The following LIMS1 variants were observed in gnomAD, a reference collection of about 807,000 sequenced individuals.
The protein encoded by LIMS1 is LIM and senescent cell antigen-like-containing domain protein 1.
LIMS1 carries 18 observed loss-of-function variants against 44.1 expected under a neutral mutation model. That is an observed-to-expected ratio of 0.41 (90% CI 0.28 to 0.61). The LOEUF is 0.61. LIMS1 is among the 20% of genes least tolerant of loss of function. The pLI is 0.32. For missense variants in LIMS1, 201 were observed against 422.0 expected (o/e 0.48, Z 4.59); for synonymous variants, 93 against 149.1 (o/e 0.62, Z 2.74).
At chr2:108,539,599 G>T (rs1684252191) in intron 1 of LIMS1, among the ~76,000 whole-genome samples, 1 of 152,174 alleles carries the variant, frequency 6.6e-6, no homozygotes, top group Non-Finnish European at 1.5e-5. Context: ...TTTCTGAAAG[G>T]ATACCGATGA....
intron 1 of LIMS1, among the ~76,000 whole-genome samples, chr2:108,546,918 AG>A (rs766889221): frequency 6.6e-6 from 1 of 152,200 alleles, no homozygotes; most frequent in Non-Finnish European, 1.5e-5. Flanking sequence ...TTTGCTTTTC[AG>A]TAATGGTCTC....
chr2:108,631,495 T>C (rs913250264), intron 1 of LIMS1, among the ~76,000 whole-genome samples: 1 of 152,074 alleles, frequency 6.6e-6, no homozygotes, highest in African/African-American at 2.4e-5. Context: ...TATCAAATGA[T>C]TGTATGCTGT....
At chr2:108,592,209 A>G (rs1021971180) in intron 1 of LIMS1, among the ~76,000 whole-genome samples, 11 of 152,164 alleles carry the variant, frequency 7.2e-5, no homozygotes, top group African/African-American at 2.7e-4. Flanking sequence ...ATACAGGAGC[A>G]GTGTTTTAGC....
chr2:108,591,337 G>A (rs1177878609), intron 1 of LIMS1, among the ~76,000 whole-genome samples: 2 of 152,124 alleles, frequency 1.3e-5, no homozygotes, highest in African/African-American at 2.4e-5. Context: ...TGATGCGGTG[G>A]GGCCTGAACC....
At chr2:108,675,785 A>G (rs888732438) in intron 5 of LIMS1, 93 bp from the exon 6 acceptor site, 3 of 1,477,060 alleles carry the variant, frequency 2.0e-6, no homozygotes, top group African/African-American at 1.4e-5. Flanking sequence ...TGTCATAGTA[A>G]TGTCTTTAAA....
At chr2:108,614,979 T>G (rs11691983) in intron 1 of LIMS1, among the ~76,000 whole-genome samples, 15,115 of 152,270 alleles carry the variant, frequency 0.099, 977 homozygotes, top group Middle Eastern at 0.17. Flanking sequence ...ACTGTTACAT[T>G]TCTCCTCTCA....
In LIMS1 at chr2:108,587,290, TTGTGTGTGTGTGTGTG is replaced by T. The variant is rs58815332; in HGVS notation, c.32+52732_32+52747del. Among the ~76,000 whole-genome samples the T allele has an allele frequency of 5.8e-4, 61 of 106,080 alleles. 1 individual carries two copies. Among genetic ancestry groups the T allele is most frequent in the Middle Eastern group, 4.7e-3 (1 of 214 alleles). 69.6% of individuals were successfully genotyped at this position (106,080 alleles called of 152,430 possible). A position where few individuals can be genotyped will look rare whatever the true frequency, so the allele number is the denominator to read the frequency against. On this transcript the variant is annotated intron_variant, in intron 1 of 9. Coordinates refer to ENST00000544547, the Ensembl canonical transcript of LIMS1. Reference sequence around the variant, plus strand: ...AAGTGATGAGTTGTTTTCTTGGGGTTTGTGTGTGTGTGTGTGTGTGTGTGTGTGTGTGTGTGTGTGT... The same window carrying T: ...AAGTGATGAGTTGTTTTCTTGGGGTTTGTGTGTGTGTGTGTGTGTGTGTGT...
intron 1 of LIMS1, among the ~76,000 whole-genome samples, chr2:108,552,980 C>T (rs1347012704): frequency 2.6e-5 from 4 of 152,112 alleles, no homozygotes; most frequent in Admixed American, 6.6e-5. Context: ...TCCTTTGTCA[C>T]GGCCATATCC....
intron 1 of LIMS1, among the ~76,000 whole-genome samples, chr2:108,632,829 A>G (rs1689007901): frequency 6.6e-6 from 1 of 152,158 alleles, no homozygotes. Flanking sequence ...AGGAAGGTAA[A>G]TTGACCTTGA....
At chr2:108,595,105 A>G (rs1379820341) in intron 1 of LIMS1, among the ~76,000 whole-genome samples, 1 of 152,170 alleles carries the variant, frequency 6.6e-6, no homozygotes, top group Non-Finnish European at 1.5e-5. Context: ...CTATTTATGG[A>G]GAGCAGTAAG....
At chr2:108,644,859 G>A (rs1218076325) in intron 1 of LIMS1, among the ~76,000 whole-genome samples, 1 of 151,756 alleles carries the variant, frequency 6.6e-6, no homozygotes, top group East Asian at 1.9e-4. Flanking sequence ...GCACACACAA[G>A]TATCAACAGC....
intron 1 of LIMS1, among the ~76,000 whole-genome samples, chr2:108,616,527 A>C (rs1243791111): frequency 3.9e-5 from 6 of 152,160 alleles, no homozygotes; most frequent in African/African-American, 1.4e-4. Context: ...AGCTTTAATG[A>C]CAGCTCAGCC....
chr2:108,667,521 A>ATAG (rs949610530), intron 2 of LIMS1, among the ~76,000 whole-genome samples: 2 of 41,384 alleles, frequency 4.8e-5, no homozygotes, highest in Admixed American at 1.0e-3. Context: ...TACAGTGATT[A>ATAG]TATTTTCAAC....
At chr2:108,599,802 C>G (rs544940617) in intron 1 of LIMS1, among the ~76,000 whole-genome samples, 2 of 152,000 alleles carry the variant, frequency 1.3e-5, no homozygotes, top group Non-Finnish European at 2.9e-5. Context: ...TTTTCATAGG[C>G]CTGTTTGCCA....
At chr2:108,681,046 G>T in intron 9 of LIMS1, 3 of 1,287,348 alleles carry the variant, frequency 2.3e-6, no homozygotes, top group Admixed American at 3.7e-5. Context: ...TTTAAGAGGC[G>T]ACTTGCCAAA....
intron 1 of LIMS1, among the ~76,000 whole-genome samples, chr2:108,538,183 G>A (rs1174314481): frequency 2.0e-5 from 3 of 152,208 alleles, no homozygotes; most frequent in African/African-American, 4.8e-5. Flanking sequence ...CACTTGAGAA[G>A]CAGGAGCTGC....
At chr2:108,585,307 T>C (rs1686057354) in intron 1 of LIMS1, among the ~76,000 whole-genome samples, 1 of 151,976 alleles carries the variant, frequency 6.6e-6, no homozygotes, top group African/African-American at 2.4e-5. Context: ...TTGGATTTGA[T>C]TGAAGGGGAC....
intron 1 of LIMS1, among the ~76,000 whole-genome samples, chr2:108,627,116 G>A (rs1217851965): frequency 6.6e-6 from 1 of 152,144 alleles, no homozygotes. Context: ...GTACAGGTTT[G>A]TGGCCTTGGA....
intron 1 of LIMS1, among the ~76,000 whole-genome samples, chr2:108,652,252 A>G (rs1346149777): frequency 3.5e-4 from 54 of 152,286 alleles, no homozygotes; most frequent in South Asian, 1.9e-3. Flanking sequence ...AGAAATTTCT[A>G]TAGTTTCATT....
Sources: gnomAD v4.1 joint callset for allele counts (sites outside exome capture counted in the v4.1 genomes callset) on GRCh38, gnomAD v4.1.1 for gene constraint, MANE v1.5 for transcripts, NCBI Gene and HGNC (gene_info 2026-07-23, HGNC 2026-07-21) for gene names.